Variants in SECISBP2 observed in about 807,000 individuals in gnomAD.
SECISBP2 encodes SECIS binding protein 2.
SECISBP2 carries 96 observed loss-of-function variants against 98.2 expected under a neutral mutation model. The ratio of observed to expected loss-of-function variants is 0.98; its 90% CI spans 0.83 to 1.16. The LOEUF (loss-of-function observed/expected upper bound fraction) is 1.16, where lower values mean the gene tolerates loss of function less well. Among genes scored for constraint, SECISBP2 ranks in the 50% most tolerant of loss-of-function variants. The probability of loss-of-function intolerance (pLI) is 0.00; values close to 1 mark genes in which losing one functional copy is unlikely to be tolerated. For synonymous variants in SECISBP2, 407 were observed against 370.2 expected (o/e 1.10, Z -1.14); for missense variants, 1,046 against 1,022.9 (o/e 1.02, Z -0.31).
chr9:89,363,873 G>A, downstream of SECISBP2: 1 of 1,614,150 alleles, frequency 6.2e-7, no homozygotes, highest in Non-Finnish European at 8.5e-7. Context: ...CCATCGGGCA[G>A]TGCATGGGTC....
chr9:89,345,973 C>T (rs1830361762), intron 10 of SECISBP2, among the ~76,000 whole-genome samples: 1 of 152,216 alleles, frequency 6.6e-6, no homozygotes, highest in Non-Finnish European at 1.5e-5. Context: ...TGCGTTGAAG[C>T]AGTGAATCAG....
intron 7 of SECISBP2, among the ~76,000 whole-genome samples, chr9:89,335,490 G>A (rs1258220548): frequency 6.6e-6 from 1 of 151,904 alleles, no homozygotes; most frequent in Non-Finnish European, 1.5e-5. Context: ...CTGCCACCAT[G>A]CCTGGCTAAT....
rs571676440 is a variant in SECISBP2, at chr9:89,338,341, G to T, written c.1090-117G>T. ...AACAGGGGATGAGGAACCTAATTCT[G>T]AATAAAATTGTCATGTGATTATAGG... is the stretch of plus-strand genomic sequence containing the variant. On this transcript the variant is annotated intron_variant, in intron 7 of 16. Transcript: ENST00000375807. 224 of 1,230,000 alleles carry T rather than the reference G, an allele frequency of 1.8e-4. 2 individuals carry two copies. In the East Asian group the frequency reaches 5.1e-3, roughly 28 times the overall value. The allele number at this position is 1,230,000 out of a possible 1,614,324, so 76.2% of individuals were successfully genotyped here.
intron 5 of SECISBP2, 118 bp downstream of exon 5, chr9:89,329,004 G>T: frequency 1.2e-6 from 1 of 835,784 alleles, no homozygotes; most frequent in Non-Finnish European, 2.0e-6. Flanking sequence ...TGGGGAGGAT[G>T]TATTGGGGGA....
chr9:89,358,676 A>C, intron 16 of SECISBP2, 45 bp from the exon 17 acceptor site: 1 of 1,300,018 alleles, frequency 7.7e-7, no homozygotes, highest in Non-Finnish European at 1.1e-6. Context: ...GAGTTTTCCT[A>C]CTTGTTGATG....
intron 14 of SECISBP2, among the ~76,000 whole-genome samples, chr9:89,352,831 G>A (rs1264193502): frequency 6.6e-6 from 1 of 150,746 alleles, no homozygotes; most frequent in Admixed American, 6.6e-5. Flanking sequence ...TTTGTCCTCT[G>A]AAGATTCCTT....
chr9:89,365,261 T>C, the SECISBP2 span: 3 of 152,398 alleles, frequency 2.0e-5, no homozygotes, highest in East Asian at 1.9e-4. Flanking sequence ...AGGTGCTCCT[T>C]CTGTCTCTGA....
At chr9:89,355,160 GAGA>G in intron 14 of SECISBP2, 1 of 985,420 alleles carries the variant, frequency 1.0e-6, no homozygotes, top group Non-Finnish European at 1.2e-6. Flanking sequence ...ACGTGCATTG[GAGA>G]AGTTCTTCTC....
chr9:89,328,388 CAT>C (rs771079326), intron 4 of SECISBP2, among the ~76,000 whole-genome samples: 68 of 152,330 alleles, frequency 4.5e-4, no homozygotes, highest in African/African-American at 9.4e-4. Flanking sequence ...ATCAGACCAT[CAT>C]ATGTGGCGCG....
At chr9:89,364,061 CTT>C, downstream of SECISBP2, 1 of 1,593,248 alleles carries the variant, frequency 6.3e-7, no homozygotes, top group Non-Finnish European at 8.5e-7. Flanking sequence ...CCTGAAGTGA[CTT>C]GGGACAACTT....
chr9:89,358,304 GGGCCT>G, intron 16 of SECISBP2, 113 bp downstream of exon 16: 1 of 1,124,546 alleles, frequency 8.9e-7, no homozygotes, highest in East Asian at 2.6e-5. Flanking sequence ...CTGAGTAGCA[GGGCCT>G]GGTAAGTCCA....
At chr9:89,356,721 A>G (rs1207500919) in intron 14 of SECISBP2, 2 of 153,076 alleles carry the variant, frequency 1.3e-5, no homozygotes, top group Non-Finnish European at 2.9e-5. Flanking sequence ...AGTTGCCTGT[A>G]AATCTTTTCA....
In SECISBP2 at chr9:89,325,606, G is replaced by A. The variant is rs1231808270; in HGVS notation, c.362G>A (p.Gly121Asp). The change falls in exon 3 of 17, where the codon GGT (glycine) becomes GAT (aspartate). Residue 121 changes from glycine to aspartate, a missense_variant. By Grantham distance (94) the Gly-to-Asp change is moderately conservative. Coordinates refer to ENST00000375807, the MANE Select transcript of SECISBP2 (RefSeq NM_024077.5). ...YLYNQPSCYR[G>D]FQTVKHRNEN... Reference sequence around the variant, plus strand: ...TATAACCAACCCAGTTGTTACCGAGGTTTTCAAACAGTGAAGCATCGAAAT... The same window carrying A: ...TATAACCAACCCAGTTGTTACCGAGATTTTCAAACAGTGAAGCATCGAAAT... 6.2e-7 allele frequency: 1 copy of A among 1,613,972 alleles called. No homozygotes were observed. The highest frequency in any genetic ancestry group is 1.3e-5 in the African/African-American group (1 of 74,888).
the SECISBP2 span, chr9:89,364,898 G>A: frequency 7.6e-6 from 1 of 130,962 alleles, no homozygotes; most frequent in African/African-American, 3.0e-5. Context: ...GACACTATTT[G>A]TTCCAGGTGG....
At chr9:89,347,843 T>G (rs1830656485) in intron 11 of SECISBP2, among the ~76,000 whole-genome samples, 1 of 152,138 alleles carries the variant, frequency 6.6e-6, no homozygotes, top group Non-Finnish European at 1.5e-5. Flanking sequence ...AGAATTGTCT[T>G]TAGAGCTCAG....
Position 89,336,081 on chromosome 9 carries a change from C to CTTTTTTTTTTT in SECISBP2, c.1089+1368_1089+1378dup, listed in dbSNP as rs59799418. On this transcript the variant is annotated intron_variant, in intron 7 of 16. Coordinates refer to ENST00000375807, the MANE Select transcript of SECISBP2 (RefSeq NM_024077.5). ...TTTTTCCCTTAAGTAATTTTAAGTG[C>CTTTTTTTTTTT]TTTTTTTTTTTTTTTTTTTTTTTTT... 2.6e-3 allele frequency among the ~76,000 whole-genome samples: 86 copies of CTTTTTTTTTTT among 33,058 alleles called. 17 individuals are homozygous for CTTTTTTTTTTT. The highest frequency in any genetic ancestry group is 0.011 in the Admixed American group (24 of 2,094). 21.7% of individuals were successfully genotyped at this position (33,058 alleles called of 152,430 possible).
rs1474457024 is a variant in SECISBP2 at position 89,348,119 on chromosome 9, A to G, written c.1643A>G (p.Gln548Arg). The G allele has an allele frequency of 6.2e-7, 1 of 1,613,960 alleles. No individual in the cohort carries two copies. Among genetic ancestry groups the G allele is most frequent in the African/African-American group, 1.3e-5 (1 of 74,942 alleles). ...CGGCAAGAGAGAAAGCAGCGTCTCC[A>G]AGAAAATGCTGTGAGTCCAGCTTTT... ...KERQERKQRL[Q>R]ENAVSPAFTS... Residue 548 changes from glutamine to arginine, a missense_variant, in exon 12 of 17, where the codon CAA (glutamine) becomes CGA (arginine). Physicochemically the swap from Gln to Arg is conservative, Grantham distance 43. Transcript: ENST00000375807.
intron 14 of SECISBP2, among the ~76,000 whole-genome samples, chr9:89,353,346 C>T (rs768031062): frequency 6.6e-6 from 1 of 152,190 alleles, no homozygotes; most frequent in Non-Finnish European, 1.5e-5. Context: ...GTCACATCCC[C>T]AAGGAAGACT....
chr9:89,321,584 TGAACCCAGGA>T (rs1825812408), intron 2 of SECISBP2, among the ~76,000 whole-genome samples: 1 of 151,976 alleles, frequency 6.6e-6, no homozygotes, highest in African/African-American at 2.4e-5. Context: ...GAGAATTGCT[TGAACCCAGGA>T]GATGGAGGTT....
Sources: allele counts gnomAD v4.1 joint callset (sites outside exome capture counted in the v4.1 genomes callset), GRCh38; gene constraint gnomAD v4.1.1; transcripts MANE v1.5; gene names NCBI Gene and HGNC (gene_info 2026-07-23, HGNC 2026-07-21).